VPS13B: variants seen among roughly 807,000 people sequenced by gnomAD.
VPS13B encodes the protein vacuolar protein sorting 13 homolog B.
In VPS13B, 285 loss-of-function variants were observed where a neutral mutation model predicts 426.4. That is an observed-to-expected ratio of 0.67 (90% CI 0.61 to 0.74). The LOEUF is 0.74. Among genes scored for constraint, VPS13B ranks in the 30% least tolerant of loss-of-function variants. The pLI, the probability that VPS13B is intolerant of heterozygous loss-of-function variation, is 0.00. For synonymous variants in VPS13B, 1,676 were observed against 1,676.4 expected, an observed-to-expected ratio of 1.00 and a Z score of 0.01; for missense variants, 4,537 against 4,782.6, an observed-to-expected ratio of 0.95 and a Z score of 1.51.
At chr8:99,484,980 C>T (rs1213534327) in intron 25 of VPS13B, among the ~76,000 whole-genome samples, 1 of 152,024 alleles carries the variant, frequency 6.6e-6, no homozygotes, top group East Asian at 1.9e-4. Flanking sequence ...TTTCTATATA[C>T]ACAGGGTACC....
At chr8:99,087,796 A>C (rs1056967914) in intron 3 of VPS13B, among the ~76,000 whole-genome samples, 1 of 151,764 alleles carries the variant, frequency 6.6e-6, no homozygotes, top group Non-Finnish European at 1.5e-5. Context: ...TATATAACTG[A>C]TCTCTTTCAG....
chr8:99,056,058 G>A (rs1229393111), intron 3 of VPS13B, among the ~76,000 whole-genome samples: 1 of 151,300 alleles, frequency 6.6e-6, no homozygotes, highest in East Asian at 1.9e-4. Flanking sequence ...GATCTTTTTT[G>A]TTTGTTTGTT....
At chr8:99,284,044 A>C (rs1258411743) in intron 19 of VPS13B, among the ~76,000 whole-genome samples, 1 of 152,150 alleles carries the variant, frequency 6.6e-6, no homozygotes, top group Non-Finnish European at 1.5e-5. Flanking sequence ...TTTTTTCCCC[A>C]AAAAGTTTAA....
chr8:99,641,877 T>C lies in VPS13B; in HGVS notation c.5287T>C (p.Tyr1763His). ...DGGMAETSSR[Y>H]SGAQDSGIGS... is the part of the protein sequence containing the mutation. Reference sequence around the variant, plus strand: ...AGGCATGGCTGAAACCTCATCTCGCTACAGTGGTGCTCAGGATAGTGGAAT... The same window carrying C: ...AGGCATGGCTGAAACCTCATCTCGCCACAGTGGTGCTCAGGATAGTGGAAT... Residue 1763 changes from tyrosine to histidine, a missense_variant, in exon 34 of 62, where the codon TAC becomes CAC. Physicochemically the swap from Tyr to His is moderately conservative, Grantham distance 83. This residue lies in a region of VPS13B where 4,311 missense variants were observed against 4,474.3 expected (regional missense o/e 0.96). Transcript: ENST00000357162. 2 of 1,614,114 alleles carry C rather than the reference T, an allele frequency of 1.2e-6. No individual in the cohort carries two copies. Among genetic ancestry groups the C allele is most frequent in the South Asian group, 1.1e-5 (1 of 91,076 alleles).
At chr8:99,245,109 T>C (rs966525795) in intron 17 of VPS13B, among the ~76,000 whole-genome samples, 3 of 152,222 alleles carry the variant, frequency 2.0e-5, no homozygotes, top group Non-Finnish European at 4.4e-5. Flanking sequence ...TAGATAATGA[T>C]CTATATAACA....
intron 19 of VPS13B, among the ~76,000 whole-genome samples, chr8:99,315,466 T>C (rs1226365157): frequency 6.6e-6 from 1 of 152,078 alleles, no homozygotes; most frequent in African/African-American, 2.4e-5. Flanking sequence ...CAGCAGATTT[T>C]TTATTTCCAG....
At chr8:99,724,947 T>C (rs1833277718) in intron 39 of VPS13B, among the ~76,000 whole-genome samples, 1 of 152,202 alleles carries the variant, frequency 6.6e-6, no homozygotes, top group African/African-American at 2.4e-5. Context: ...GTCTGTCCTC[T>C]ATCAAACTGG....
intron 23 of VPS13B, among the ~76,000 whole-genome samples, chr8:99,457,279 G>C (rs751337264): frequency 6.6e-6 from 1 of 151,998 alleles, no homozygotes; most frequent in Non-Finnish European, 1.5e-5. Context: ...TGGTCCGCCC[G>C]CTTTGGCCTC....
chr8:99,788,226 A>G (rs879555587), intron 43 of VPS13B, among the ~76,000 whole-genome samples: 2 of 151,392 alleles, frequency 1.3e-5, no homozygotes, highest in Non-Finnish European at 2.9e-5. Context: ...AAATCTAAAA[A>G]TTAAATTTAA....
intron 23 of VPS13B, among the ~76,000 whole-genome samples, chr8:99,458,925 T>A (rs964353580): frequency 1.3e-5 from 2 of 152,174 alleles, no homozygotes; most frequent in Admixed American, 1.3e-4. Flanking sequence ...TTAGTTTAAT[T>A]AGATCCCATT....
chr8:99,203,746 A>G (rs1451937252), intron 17 of VPS13B, among the ~76,000 whole-genome samples: 2 of 152,134 alleles, frequency 1.3e-5, no homozygotes, highest in African/African-American at 4.8e-5. Flanking sequence ...TCATGAGCAA[A>G]CTCCCATTCA....
chr8:99,702,495 T>C (rs1832323437), intron 36 of VPS13B, among the ~76,000 whole-genome samples: 1 of 152,170 alleles, frequency 6.6e-6, no homozygotes, highest in Non-Finnish European at 1.5e-5. Context: ...GCTGTACAGA[T>C]GTTATTGTAT....
intron 16 of VPS13B, among the ~76,000 whole-genome samples, chr8:99,181,480 C>T (rs1812943151): frequency 6.6e-6 from 1 of 152,170 alleles, no homozygotes; most frequent in Admixed American, 6.5e-5. Context: ...CACTTCCTAG[C>T]CTTGTGGCTG....
chr8:99,129,091 T>G (rs1376135995), intron 8 of VPS13B, among the ~76,000 whole-genome samples: 1 of 152,172 alleles, frequency 6.6e-6, no homozygotes, highest in East Asian at 1.9e-4. Context: ...AAAGTTTGTG[T>G]CATAGCTTGA....
chr8:99,162,119 G>A (rs1811692595), intron 15 of VPS13B, among the ~76,000 whole-genome samples: 1 of 152,088 alleles, frequency 6.6e-6, no homozygotes, highest in Non-Finnish European at 1.5e-5. Flanking sequence ...TGTGACATAG[G>A]ACTTTTGAAT....
intron 17 of VPS13B, among the ~76,000 whole-genome samples, chr8:99,226,807 G>A (rs1816046842): frequency 6.6e-6 from 1 of 152,116 alleles, no homozygotes; most frequent in Non-Finnish European, 1.5e-5. Context: ...ATATTTTGTT[G>A]CATGCGTAAA....
intron 55 of VPS13B, among the ~76,000 whole-genome samples, chr8:99,850,622 T>C (rs1816242104): frequency 6.6e-6 from 1 of 152,194 alleles, no homozygotes; most frequent in South Asian, 2.1e-4. Context: ...TGTTTAAATC[T>C]TTCTTTTAAA....
In VPS13B at chr8:99,356,596, G is replaced by A. The variant is rs956844153; in HGVS notation, c.2825-27612G>A. Among the ~76,000 whole-genome samples the A allele has an allele frequency of 3.6e-4, 55 of 152,154 alleles. 2 individuals carry two copies. The highest frequency in any genetic ancestry group is 3.5e-3 in the Admixed American group (54 of 15,274). Reference sequence around the variant, plus strand: ...CAGGAGATCAAGGCTGCAGTGAACTGTATTCGGGCCACTGCACTGCAGCCT... The same window carrying A: ...CAGGAGATCAAGGCTGCAGTGAACTATATTCGGGCCACTGCACTGCAGCCT... On this transcript the variant is annotated intron_variant, in intron 19 of 61. Coordinates refer to ENST00000357162, the MANE Select transcript of VPS13B (RefSeq NM_152564.5).
Position 99,699,932 on chromosome 8 carries a change from G to C in VPS13B, c.6454G>C (p.Gly2152Arg), listed in dbSNP as rs1345292362. ...TGTCAAGGCAACACAAAAAGTACCT[G>C]GTAAGTCACAGAAAAGGGGAGGGGG... ...LSVKATQKVP[G>R]IILGSSFLLS... Residue 2152 changes from glycine to arginine, a missense_variant and splice_region_variant, in exon 36 of 62, where the codon GGC becomes CGC. Gly to Arg is a moderately radical substitution (Grantham distance 125). Transcript: ENST00000357162. 1 of 1,613,610 alleles carries C rather than the reference G, an allele frequency of 6.2e-7. No individual in the cohort carries two copies. The highest frequency in any genetic ancestry group is 8.5e-7 in the Non-Finnish European group (1 of 1,179,888).
Sources: gnomAD v4.1 joint callset for allele counts (sites outside exome capture counted in the v4.1 genomes callset) on GRCh38, gnomAD v4.1.1 for gene constraint, gnomAD v4.1.1 regional missense constraint, MANE v1.5 for transcripts, NCBI Gene and HGNC (gene_info 2026-07-23, HGNC 2026-07-21) for gene names.